Variants in MICU3 observed in about 807,000 individuals in gnomAD.
MICU3 encodes the protein calcium uptake protein 3, mitochondrial.
MICU3 carries 62 observed loss-of-function variants against 66.5 expected under a neutral mutation model. The observed-to-expected ratio is 0.93, with a 90% CI of 0.76 to 1.15. MICU3 has a LOEUF of 1.15. Among genes scored for constraint, MICU3 ranks in the 50% most tolerant of loss-of-function variants. MICU3 has a pLI of 0.00. For missense variants in MICU3, 779 were observed against 664.4 expected (o/e 1.17, Z -1.90); for synonymous variants, 308 against 240.7 (o/e 1.28, Z -2.59).
intron 1 of MICU3, among the ~76,000 whole-genome samples, chr8:17,047,374 G>A: frequency 6.6e-6 from 1 of 152,182 alleles, no homozygotes; most frequent in South Asian, 2.1e-4. Flanking sequence ...GTGGAAAATA[G>A]ACTGAGACAG....
chr8:17,059,488 A>G (rs1403587269), intron 1 of MICU3, among the ~76,000 whole-genome samples: 1 of 152,170 alleles, frequency 6.6e-6, no homozygotes, highest in Non-Finnish European at 1.5e-5. Flanking sequence ...ATTCAACATC[A>G]TTTTTATAGA....
At chr8:17,080,991 G>A (rs773910192) in intron 4 of MICU3, among the ~76,000 whole-genome samples, 1 of 151,930 alleles carries the variant, frequency 6.6e-6, no homozygotes, top group Non-Finnish European at 1.5e-5. Flanking sequence ...TCTAGTTTTG[G>A]GTTTTGTATT....
the MICU3 span, among the ~76,000 whole-genome samples, chr8:17,128,531 T>G: frequency 1.2e-4 from 19 of 152,228 alleles, no homozygotes; most frequent in African/African-American, 4.6e-4. Flanking sequence ...GATACACTTA[T>G]GAGATAGAAT....
chr8:17,033,118 A>G (rs186497704), intron 1 of MICU3, among the ~76,000 whole-genome samples: 32 of 152,322 alleles, frequency 2.1e-4, no homozygotes, highest in African/African-American at 7.2e-4. Flanking sequence ...AATGGCCTCT[A>G]AGTGTTCACG....
intron 11 of MICU3, among the ~76,000 whole-genome samples, chr8:17,112,593 A>G (rs1420349161): frequency 6.6e-6 from 1 of 152,184 alleles, no homozygotes; most frequent in Admixed American, 6.5e-5. Flanking sequence ...GTATGTTCTG[A>G]ATTTGACCTC....
At chr8:17,128,679 T>C in the MICU3 span, among the ~76,000 whole-genome samples, 1 of 152,054 alleles carries the variant, frequency 6.6e-6, no homozygotes, top group East Asian at 1.9e-4. Context: ...AAGGGAAAAC[T>C]ATGTGGTGGA....
At position 17,095,875 on chromosome 8, in the gene MICU3, C is replaced by T. The variant is rs1028560275; in HGVS notation, c.889-2583C>T. On this transcript the variant is annotated intron_variant, in intron 8 of 14. Transcript: ENST00000318063. ...CTGCTTTGGCTCAGCCAAAAATGCCCTGGGCGCTTTTGACCAAAATTACAA... is the reference window on the plus strand; with the variant it reads ...CTGCTTTGGCTCAGCCAAAAATGCCTTGGGCGCTTTTGACCAAAATTACAA... 3.6e-4 allele frequency among the ~76,000 whole-genome samples: 54 copies of T among 151,978 alleles called. 1 individual carries two copies. Among genetic ancestry groups the T allele is most frequent in the African/African-American group, 1.2e-3 (49 of 41,486 alleles).
At chr8:17,051,067 T>C (rs1378948753) in intron 1 of MICU3, among the ~76,000 whole-genome samples, 1 of 152,166 alleles carries the variant, frequency 6.6e-6, no homozygotes, top group East Asian at 1.9e-4. Context: ...GTTTTTTATA[T>C]ACATCTGAAA....
intron 8 of MICU3, 163 bp downstream of exon 8, chr8:17,090,747 T>C (rs1431781092): frequency 4.1e-6 from 2 of 486,906 alleles, no homozygotes; most frequent in African/African-American, 2.0e-5. Flanking sequence ...TACATTTCAT[T>C]CCTAGATTTA....
At chr8:17,044,310 C>T (rs1240446961) in intron 1 of MICU3, among the ~76,000 whole-genome samples, 1 of 152,130 alleles carries the variant, frequency 6.6e-6, no homozygotes, top group Non-Finnish European at 1.5e-5. Flanking sequence ...ATACAGAAGT[C>T]ATAAAAACAT....
intron 9 of MICU3, 42 bp from the exon 10 acceptor site, chr8:17,104,349 C>T (rs1201529103): frequency 1.9e-6 from 2 of 1,050,798 alleles, no homozygotes; most frequent in African/African-American, 1.6e-5. Flanking sequence ...TATTCTGTTT[C>T]TTTTATTGAA....
chr8:17,109,408 C>T (rs939585543), intron 11 of MICU3, among the ~76,000 whole-genome samples: 2 of 152,036 alleles, frequency 1.3e-5, no homozygotes, highest in Non-Finnish European at 2.9e-5. Context: ...GTAATAGCAA[C>T]AGGCTGGAAA....
At chr8:17,094,525 A>G (rs907932276) in intron 8 of MICU3, among the ~76,000 whole-genome samples, 3 of 152,026 alleles carry the variant, frequency 2.0e-5, no homozygotes, top group African/African-American at 7.2e-5. Context: ...TGTCTAGCTT[A>G]CTAGAAGACA....
chr8:17,097,014 G>T (rs1800780199), intron 8 of MICU3, among the ~76,000 whole-genome samples: 2 of 149,502 alleles, frequency 1.3e-5, no homozygotes, highest in African/African-American at 4.9e-5. Context: ...GACAGTGTTT[G>T]GAAGTAAGGA....
At chr8:17,132,264 G>T in the MICU3 span, 1 of 152,130 alleles carries the variant, frequency 6.6e-6, no homozygotes, top group Non-Finnish European at 1.5e-5. Context: ...TATTCAAAAT[G>T]ACTACAGCCC....
chr8:17,105,455 C>A lies in MICU3; in HGVS notation c.1128C>A (p.Phe376Leu). The change falls in exon 11 of 15, where the codon TTC (phenylalanine) becomes TTA (leucine). Residue 376 changes from phenylalanine (F) to leucine (L), a missense_variant. By Grantham distance (22) the Phe-to-Leu change is conservative. Transcript: ENST00000318063. ...NLQTEVLEIEFLSYSNGMNTI... is the reference protein window; with the variant it reads ...NLQTEVLEIELLSYSNGMNTI... Reference sequence around the variant, plus strand: ...AAACAGAAGTTCTAGAAATAGAATTCCTTTCCTACTCAAATGGAATGAATA... The same window carrying A: ...AAACAGAAGTTCTAGAAATAGAATTACTTTCCTACTCAAATGGAATGAATA... 6.4e-7 allele frequency: 1 copy of A among 1,570,512 alleles called. No homozygotes were observed. The highest frequency in any genetic ancestry group is 1.2e-5 in the South Asian group (1 of 85,842).
intron 3 of MICU3, among the ~76,000 whole-genome samples, chr8:17,072,033 CTT>C (rs995489129): frequency 1.7e-4 from 26 of 151,812 alleles, no homozygotes; most frequent in African/African-American, 6.0e-4. Flanking sequence ...CCGAAATTAA[CTT>C]TTAAAATTAA....
At chr8:17,065,451 G>A (rs73539176) in intron 2 of MICU3, among the ~76,000 whole-genome samples, 2,333 of 152,242 alleles carry the variant, frequency 0.015, 55 homozygotes, top group African/African-American at 0.053. Context: ...GCCTAGGGAA[G>A]CTGTATAGGA....
chr8:17,111,871 G>A (rs1451751647), intron 11 of MICU3, among the ~76,000 whole-genome samples: 23 of 152,280 alleles, frequency 1.5e-4, no homozygotes, highest in Non-Finnish European at 1.5e-5. Context: ...AAGGAAAGAG[G>A]TTTAATTGAC....
Sources: allele counts gnomAD v4.1 joint callset (sites outside exome capture counted in the v4.1 genomes callset), GRCh38; gene constraint gnomAD v4.1.1; transcripts MANE v1.5; gene names NCBI Gene and HGNC (gene_info 2026-07-23, HGNC 2026-07-21).